PDHB: variants seen among roughly 807,000 people sequenced by gnomAD.
PDHB encodes the protein pyruvate dehydrogenase E1 subunit beta.
In PDHB, 17 loss-of-function variants were observed where a neutral mutation model predicts 42.8. The observed-to-expected ratio is 0.40, with a 90% CI of 0.27 to 0.60. The LOEUF (loss-of-function observed/expected upper bound fraction) is 0.60, where lower values mean the gene tolerates loss of function less well. Ranked by LOEUF, PDHB falls within the 20% of genes least tolerant of loss-of-function variation. PDHB has a pLI of 0.46. For synonymous variants in PDHB, 154 were observed against 148.7 expected, an observed-to-expected ratio of 1.04 and a Z score of -0.26; for missense variants, 322 against 451.3, an observed-to-expected ratio of 0.71 and a Z score of 2.60.
chr3:58,428,242 C>T, intron 9 of PDHB, 63 bp from the exon 10 acceptor site: 17 of 1,487,202 alleles, frequency 1.1e-5, no homozygotes, highest in Non-Finnish European at 1.5e-5. Flanking sequence ...CACCTTGGCA[C>T]AGAGGTGTGG....
At chr3:58,428,742 ATACC>A (rs2062894964) in intron 8 of PDHB, 128 bp from the exon 9 acceptor site, 3 of 805,666 alleles carry the variant, frequency 3.7e-6, no homozygotes. Flanking sequence ...CTGCCTATGA[ATACC>A]TATTCATGAA....
chr3:58,433,782 T>C lies in PDHB; in HGVS notation c.28A>G (p.Arg10Gly). MAAVSGLVR[R>G]PLREVSGLLK... Reference sequence around the variant, plus strand: ...CTGCTGCCTACCTCCCGAAGGGGTCTCCGCACCAAGCCAGACACCGCCGCC... The same window carrying C: ...CTGCTGCCTACCTCCCGAAGGGGTCCCCGCACCAAGCCAGACACCGCCGCC... The change falls in exon 1 of 10, where the codon AGA becomes GGA. Residue 10 changes from arginine (R) to glycine (G), a missense_variant. By Grantham distance (125) the Arg-to-Gly change is moderately radical. Transcript: ENST00000302746. 1 of 1,612,336 alleles carries C rather than the reference T, an allele frequency of 6.2e-7. No individual in the cohort carries two copies. Among genetic ancestry groups the C allele is most frequent in the East Asian group, 2.2e-5 (1 of 44,830 alleles).
rs528568497 is a variant in PDHB at position 58,427,697 on chromosome 3, T to C, written c.*337A>G. ...AGTAAATGTATATTATATGCTTTAA[T>C]TTTATACATATAAGTTATCTTGTTT... On this transcript the variant is annotated 3_prime_UTR_variant, in exon 10 of 10. Coordinates refer to ENST00000302746, the MANE Select transcript of PDHB (RefSeq NM_000925.4). 3.3e-5 allele frequency: 14 copies of C among 427,576 alleles called. 1 individual carries two copies. Among genetic ancestry groups the C allele is most frequent in the South Asian group, 2.4e-4 (14 of 58,660 alleles). The allele number at this position is 427,576 out of a possible 1,614,324, so 26.5% of individuals were successfully genotyped here.
chr3:58,428,057 T>C lies in PDHB; in HGVS notation c.1057A>G (p.Ile353Val), dbSNP rs748366089. 4 of 1,608,754 alleles carry C rather than the reference T, an allele frequency of 2.5e-6. No individual in the cohort carries two copies. Among genetic ancestry groups the C allele is most frequent in the African/African-American group, 1.3e-5 (1 of 74,980 alleles). The stretch of plus-strand genomic sequence containing the variant: ...AACTAAATATTTAATGTTTTCTTTA[T>C]TGCAAATATGATGTCTTTGACCTGA... ...IPQVKDIIFA[I>V]KKTLNI Residue 353 changes from isoleucine to valine, a missense_variant, in exon 10 of 10, where the codon ATA (isoleucine) becomes GTA (valine). By Grantham distance (29) the Ile-to-Val change is conservative. Transcript: ENST00000302746.
At chr3:58,432,318 C>T (rs2062927333) in intron 2 of PDHB, 3 of 369,032 alleles carry the variant, frequency 8.1e-6, no homozygotes, top group Non-Finnish European at 1.5e-5. Flanking sequence ...ATCAATTCCA[C>T]TTCTATGTAT....
At position 58,428,561 on chromosome 3, in the gene PDHB, A is replaced by C; in HGVS notation, c.846T>G (p.Ser282Arg). ...RPMDMETIEA[S>R]VMKTNHLVTV... ...TTACAAGATGATTTGTCTTCATGAC[A>C]CTGGCTTCTATGGTTTCCATGTCCA... The change falls in exon 9 of 10, where the codon AGT (serine) becomes AGG (arginine). Residue 282 changes from serine (S) to arginine (R), a missense_variant. By Grantham distance (110) the Ser-to-Arg change is moderately radical (BLOSUM62 -1). Transcript: ENST00000302746. The C allele has an allele frequency of 6.2e-7, 1 of 1,613,772 alleles. No individual in the cohort carries two copies. Among genetic ancestry groups the C allele is most frequent in the Non-Finnish European group, 8.5e-7 (1 of 1,179,636 alleles).
At position 58,431,755 on chromosome 3, in the gene PDHB, C is replaced by A; in HGVS notation, c.243G>T (p.Arg81Ser). Residue 81 changes from arginine (R) to serine (S), a missense_variant, in exon 4 of 10, where the codon AGG becomes AGT. Coordinates refer to ENST00000302746, the MANE Select transcript of PDHB (RefSeq NM_000925.4). The surrounding 1 kb of genome is among the most constrained non-coding windows in gnomAD (Gnocchi z 4.4). ...CCTCTGATATGGGAGTGTCAATAAT[C>A]CTCTTGTCTCCATATTTCTTCCACA... is the stretch of plus-strand genomic sequence containing the variant. ...RGLWKKYGDK[R>S]IIDTPISEMG... 2 of 1,613,820 alleles carry A rather than the reference C, an allele frequency of 1.2e-6. No homozygotes were observed. Among genetic ancestry groups the A allele is most frequent in the Non-Finnish European group, 1.7e-6 (2 of 1,179,756 alleles).
chr3:58,430,393 C>T (rs1455820038), intron 6 of PDHB, among the ~76,000 whole-genome samples, 155 bp from the exon 7 acceptor site: 1 of 152,136 alleles, frequency 6.6e-6, no homozygotes, highest in Non-Finnish European at 1.5e-5. Context: ...AGTTTAGGTA[C>T]TTAAATTTGT....
chr3:58,428,214 A>G (rs761435735), intron 9 of PDHB, 35 bp from the exon 10 acceptor site: 1 of 1,608,694 alleles, frequency 6.2e-7, no homozygotes, highest in South Asian at 1.1e-5. Context: ...GAGAGTGCAA[A>G]TGCCAGCTGG....
At position 58,431,627 on chromosome 3, in the gene PDHB, A is replaced by T; in HGVS notation, c.269T>A (p.Met90Lys). The change falls in exon 5 of 10, where the codon ATG becomes AAG. Residue 90 changes from methionine (M) to lysine (K), a missense_variant and splice_region_variant. Physicochemically the swap from Met to Lys is moderately conservative, Grantham distance 95 (BLOSUM62 -1). Coordinates refer to ENST00000302746, the MANE Select transcript of PDHB (RefSeq NM_000925.4). This position sits in a 1 kb window ranked among gnomAD's most constrained non-coding sequence, Gnocchi z 4.4. ...KRIIDTPISEMGFAGIAVGAA... is the reference protein window; with the variant it reads ...KRIIDTPISEKGFAGIAVGAA... ...ACCTACAGCAATTCCAGCAAAGCCC[A>T]TCTATAAAGTAAAATATAAACATAA... The T allele has an allele frequency of 6.2e-7, 1 of 1,608,622 alleles. No homozygotes were observed. Among genetic ancestry groups the T allele is most frequent in the Non-Finnish European group, 8.5e-7 (1 of 1,175,838 alleles).
intron 9 of PDHB, 79 bp from the exon 10 acceptor site, chr3:58,428,258 C>G: frequency 7.2e-7 from 1 of 1,396,338 alleles, no homozygotes; most frequent in Non-Finnish European, 1.0e-6. Flanking sequence ...TGTGGCTGAC[C>G]AGGAAGAGAA....
At chr3:58,433,383 G>T in intron 2 of PDHB, 1 of 596,352 alleles carries the variant, frequency 1.7e-6, no homozygotes, top group Non-Finnish European at 3.0e-6. Flanking sequence ...AAAAAAACAT[G>T]GAGTGAGGGA....
rs2062909594 is a variant in PDHB, at chr3:58,430,336, T to C, written c.590-98A>G. 8.1e-6 allele frequency: 7 copies of C among 863,564 alleles called. No individual in the cohort carries two copies. In the Admixed American group the frequency reaches 1.0e-4, roughly 13 times the overall value. The allele number at this position is 863,564 out of a possible 1,614,324, so 53.5% of individuals were successfully genotyped here. A position where few individuals can be genotyped will look rare whatever the true frequency, so the allele number is the denominator to read the frequency against. ...ATCATTCATCTTGTGAGAAGTTTCA[T>C]TGTGCTGATTAGCCTTATCTCTACC... On this transcript the variant is annotated intron_variant, in intron 6 of 9. Transcript: ENST00000302746.
chr3:58,433,362 G>A (rs1203639219), intron 2 of PDHB: 2 of 592,680 alleles, frequency 3.4e-6, no homozygotes, highest in Non-Finnish European at 3.0e-6. Context: ...CTATTTTGCT[G>A]CAATTTAAAG....
chr3:58,432,091 A>T (rs1043410326), intron 2 of PDHB, 107 bp from the exon 3 acceptor site: 1 of 759,894 alleles, frequency 1.3e-6, no homozygotes, highest in African/African-American at 1.7e-5. Flanking sequence ...ATATAAAAAC[A>T]CTAGAACAAG....
intron 6 of PDHB, among the ~76,000 whole-genome samples, 168 bp downstream of exon 6, chr3:58,430,489 G>A (rs1313946818): frequency 2.0e-5 from 3 of 152,014 alleles, no homozygotes; most frequent in African/African-American, 4.8e-5. Context: ...CCTTATATTC[G>A]GAAATAGGAA....
Position 58,427,684 on chromosome 3 carries a change from T to C in PDHB, c.*350A>G, listed in dbSNP as rs775884188. The stretch of plus-strand genomic sequence containing the variant: ...AAAACAAACTAACAGTAAATGTATA[T>C]TATATGCTTTAATTTTATACATATA... On this transcript the variant is annotated 3_prime_UTR_variant, in exon 10 of 10. Coordinates refer to ENST00000302746, the MANE Select transcript of PDHB (RefSeq NM_000925.4). The C allele has an allele frequency of 7.3e-6, 3 of 409,368 alleles. No homozygotes were observed. The highest frequency in any genetic ancestry group is 7.1e-5 in the East Asian group (1 of 14,064). 25.4% of individuals were successfully genotyped at this position (409,368 alleles called of 1,614,324 possible).
intron 8 of PDHB, among the ~76,000 whole-genome samples, chr3:58,429,307 G>A (rs898099067): frequency 6.6e-6 from 1 of 152,172 alleles, no homozygotes; most frequent in South Asian, 2.1e-4. Flanking sequence ...CTAGCACATG[G>A]TGAGTTTCTA....
At position 58,431,139 on chromosome 3, in the gene PDHB, G is replaced by A. The variant is rs1436571060; in HGVS notation, c.304-197C>T. 7 of 617,880 alleles carry A rather than the reference G, an allele frequency of 1.1e-5. No homozygotes were observed. Among genetic ancestry groups the A allele is most frequent in the Non-Finnish European group, 1.7e-5 (6 of 349,624 alleles). 38.3% of individuals were successfully genotyped at this position (617,880 alleles called of 1,614,324 possible). On this transcript the variant is annotated intron_variant, in intron 5 of 9. Coordinates refer to ENST00000302746, the MANE Select transcript of PDHB (RefSeq NM_000925.4). This position sits in a 1 kb window ranked among gnomAD's most constrained non-coding sequence, Gnocchi z 4.4. Reference sequence around the variant, plus strand: ...GCTCACTGCAGCCTCTAACTCCTAGGCTCAAGTAATCCTTCCTCAGCATCC... The same window carrying A: ...GCTCACTGCAGCCTCTAACTCCTAGACTCAAGTAATCCTTCCTCAGCATCC...
Sources: gnomAD v4.1 joint callset for allele counts (sites outside exome capture counted in the v4.1 genomes callset) on GRCh38, gnomAD v4.1.1 for gene constraint, Gnocchi (gnomAD v3.1) non-coding constraint, MANE v1.5 for transcripts, NCBI Gene and HGNC (gene_info 2026-07-23, HGNC 2026-07-21) for gene names.